The following KIF13A variants were observed in gnomAD, a reference collection of about 807,000 sequenced individuals.
The protein encoded by KIF13A is kinesin family member 13A.
A neutral mutation model predicts 212.2 loss-of-function variants in KIF13A; 79 were observed. The observed-to-expected ratio is 0.37, with a 90% CI of 0.31 to 0.45. KIF13A has a LOEUF of 0.45. KIF13A is among the 20% of genes least tolerant of loss of function. The pLI is 1.00. For synonymous variants in KIF13A, 789 were observed against 808.6 expected, an observed-to-expected ratio of 0.98 and a Z score of 0.41; for missense variants, 1,901 against 2,209.0, an observed-to-expected ratio of 0.86 and a Z score of 2.79.
At chr6:17,814,979 C>T (rs371358143) in intron 17 of KIF13A, among the ~76,000 whole-genome samples, 24 of 152,064 alleles carry the variant, frequency 1.6e-4, no homozygotes, top group African/African-American at 5.1e-4. Flanking sequence ...ACGCAGAGAC[C>T]GGTAGTGGCC....
chr6:17,968,168 G>T lies in KIF13A; in HGVS notation c.146+18886C>A, dbSNP rs1020329188. Among the ~76,000 whole-genome samples, 7 of 152,130 alleles carry T rather than the reference G, an allele frequency of 4.6e-5. No homozygotes were observed. Among genetic ancestry groups the T allele is most frequent in the African/African-American group, 1.7e-4 (7 of 41,406 alleles). On this transcript the variant is annotated intron_variant, in intron 2 of 38. Transcript: ENST00000259711. This position sits in a 1 kb window ranked among gnomAD's most constrained non-coding sequence, Gnocchi z 4.7. ...CAGAAGCTGCAGCATCAACCCAATG[G>T]CCAATTAGGAACCAGAGAACGAGAA...
Position 17,837,452 on chromosome 6 carries a change from A to ACCT in KIF13A, c.942+19_942+20insAGG, listed in dbSNP as rs760410464. On this transcript the variant is annotated intron_variant, in intron 10 of 38. Coordinates refer to ENST00000259711, the MANE Select transcript of KIF13A (RefSeq NM_022113.6). This position sits in a 1 kb window ranked among gnomAD's most constrained non-coding sequence, Gnocchi z 5.4. The stretch of plus-strand genomic sequence containing the variant: ...ATAGCCAATTTTTAGTTGGAAAAGA[A>ACCT]CACTAGAGCAATGGATTACCTTAAG... 39 of 1,539,798 alleles carry ACCT rather than the reference A, an allele frequency of 2.5e-5. No homozygotes were observed. The highest frequency in any genetic ancestry group is 3.4e-5 in the Non-Finnish European group (38 of 1,123,126).
chr6:17,791,247 A>T (rs1412926035), intron 25 of KIF13A, among the ~76,000 whole-genome samples: 1 of 152,276 alleles, frequency 6.6e-6, no homozygotes, highest in East Asian at 1.9e-4. Context: ...CTAATTTATC[A>T]TAACTTTTTA....
Position 17,871,302 on chromosome 6 carries a change from G to T in KIF13A, c.220+2075C>A, listed in dbSNP as rs1010300612. Among the ~76,000 whole-genome samples the T allele has an allele frequency of 1.3e-5, 2 of 151,954 alleles. No homozygotes were observed. The highest frequency in any genetic ancestry group is 2.9e-5 in the Non-Finnish European group (2 of 67,990). On this transcript the variant is annotated intron_variant, in intron 4 of 38. Coordinates refer to ENST00000259711, the MANE Select transcript of KIF13A (RefSeq NM_022113.6). The surrounding 1 kb of genome is among the most constrained non-coding windows in gnomAD (Gnocchi z 4.4). Reference sequence around the variant, plus strand: ...CTCTCTGGTGCCTTCCCAGACAATTGGTGCCTTTCCAGATTTTCTCTCTTT... The same window carrying T: ...CTCTCTGGTGCCTTCCCAGACAATTTGTGCCTTTCCAGATTTTCTCTCTTT...
intron 2 of KIF13A, among the ~76,000 whole-genome samples, chr6:17,977,872 T>C (rs2150632120): frequency 6.6e-6 from 1 of 152,314 alleles, no homozygotes; most frequent in African/African-American, 2.4e-5. Flanking sequence ...TTGTTAAGCT[T>C]GGTAGGACAA....
chr6:17,784,264 A>AC (rs58224715), intron 28 of KIF13A, among the ~76,000 whole-genome samples: 2 of 152,122 alleles, frequency 1.3e-5, no homozygotes, highest in African/African-American at 2.4e-5. Flanking sequence ...ATAAAAAAAA[A>AC]CAAAAAAACA....
Position 17,825,813 on chromosome 6 carries a change from C to T in KIF13A, c.1741G>A (p.Glu581Lys), listed in dbSNP as rs756454963. The change falls in exon 16 of 39, where the codon GAA becomes AAA. Residue 581 changes from glutamate to lysine, a missense_variant. By Grantham distance (56) the Glu-to-Lys change is moderately conservative. Around this residue, in one of 5 missense-constraint regions of KIF13A, gnomAD observed 534 missense variants for 536.9 expected, o/e 0.99. Coordinates refer to ENST00000259711, the MANE Select transcript of KIF13A (RefSeq NM_022113.6). This position sits in a 1 kb window ranked among gnomAD's most constrained non-coding sequence, Gnocchi z 4.5. ...ATGATAACTTCCATCTGTGCAAATTCATAGTTATAGTCTGGTTCAGAGGAA... is the reference window on the plus strand; with the variant it reads ...ATGATAACTTCCATCTGTGCAAATTTATAGTTATAGTCTGGTTCAGAGGAA... ...EASSEPDYNY[E>K]FAQMEVIMKT... 1.9e-6 allele frequency: 3 copies of T among 1,613,982 alleles called. No individual in the cohort carries two copies. Among genetic ancestry groups the T allele is most frequent in the Non-Finnish European group, 2.5e-6 (3 of 1,179,886 alleles).
intron 2 of KIF13A, among the ~76,000 whole-genome samples, chr6:17,913,523 A>C (rs558341579): frequency 6.6e-6 from 1 of 152,186 alleles, no homozygotes; most frequent in Non-Finnish European, 1.5e-5. Flanking sequence ...CACCCCTGCT[A>C]TTCCAGCAGG....
At chr6:17,814,650 GTTGA>G (rs995388943) in intron 17 of KIF13A, among the ~76,000 whole-genome samples, 10 of 152,164 alleles carry the variant, frequency 6.6e-5, no homozygotes, top group Admixed American at 1.3e-4. Flanking sequence ...TTCCTAGATG[GTTGA>G]TTAAGGCAGG....
chr6:17,798,211 T>A (rs979489751), intron 22 of KIF13A, among the ~76,000 whole-genome samples: 9 of 151,938 alleles, frequency 5.9e-5, no homozygotes, highest in African/African-American at 2.2e-4. Context: ...AACTCCAAGA[T>A]GAAAAAACTC....
rs1766055766 is a variant in KIF13A at position 17,837,311 on chromosome 6, A to G, written c.942+161T>C. On this transcript the variant is annotated intron_variant, in intron 10 of 38. Coordinates refer to ENST00000259711, the MANE Select transcript of KIF13A (RefSeq NM_022113.6). The surrounding 1 kb of genome is among the most constrained non-coding windows in gnomAD (Gnocchi z 5.4). ...TCAAACAGCATTCAAATGGAATAAA[A>G]AGGAGTAGAAAATAGTTTTCATTCT... Among the ~76,000 whole-genome samples, 1 of 152,228 alleles carries G rather than the reference A, an allele frequency of 6.6e-6. No individual in the cohort carries two copies. Among genetic ancestry groups the G allele is most frequent in the African/African-American group, 2.4e-5 (1 of 41,460 alleles).
chr6:17,902,397 C>G lies in KIF13A; in HGVS notation c.147-4217G>C, dbSNP rs892225126. ...ACAATTTGACATTTTAGAAGACATT[C>G]TAGGTTCCAGGATTTGGAGAGAAAA... On this transcript the variant is annotated intron_variant, in intron 2 of 38. Transcript: ENST00000259711. Among the ~76,000 whole-genome samples the G allele has an allele frequency of 2.6e-5, 4 of 152,148 alleles. No homozygotes were observed. The South Asian group carries it at 8.3e-4, about 32-fold the overall frequency.
rs111387037 is a variant in KIF13A at position 17,821,552 on chromosome 6, GGT to G, written c.1786+4214_1786+4215del. Among the ~76,000 whole-genome samples, 194 of 111,946 alleles carry G rather than the reference GGT, an allele frequency of 1.7e-3. 2 individuals carry two copies. The Middle Eastern group carries it at 0.018, about 10-fold the overall frequency. 73.4% of individuals were successfully genotyped at this position (111,946 alleles called of 152,430 possible). On this transcript the variant is annotated intron_variant, in intron 16 of 38. Coordinates refer to ENST00000259711, the MANE Select transcript of KIF13A (RefSeq NM_022113.6). ...TGGGAGGCAAATGGAATTGGGACATGGTGTGTGTGTGTGTGTGTGTGTGTGTG... is the reference window on the plus strand; with the variant it reads ...TGGGAGGCAAATGGAATTGGGACATGGTGTGTGTGTGTGTGTGTGTGTGTG...
rs1319126853 is a variant in KIF13A, at chr6:17,915,899, C to T, written c.147-17719G>A. 6.6e-6 allele frequency among the ~76,000 whole-genome samples: 1 copy of T among 150,998 alleles called. No homozygotes were observed. Among genetic ancestry groups the T allele is most frequent in the African/African-American group, 2.4e-5 (1 of 40,970 alleles). On this transcript the variant is annotated intron_variant, in intron 2 of 38. Coordinates refer to ENST00000259711, the MANE Select transcript of KIF13A (RefSeq NM_022113.6). This position sits in a 1 kb window ranked among gnomAD's most constrained non-coding sequence, Gnocchi z 4.4. ...ATCATTGCAGTAAGCCAAGATGGCACCACTGCACTCAAGCCTGGGTGACAG... is the reference window on the plus strand; with the variant it reads ...ATCATTGCAGTAAGCCAAGATGGCATCACTGCACTCAAGCCTGGGTGACAG...
At chr6:17,791,191 T>A (rs1285338031) in intron 25 of KIF13A, among the ~76,000 whole-genome samples, 1 of 152,038 alleles carries the variant, frequency 6.6e-6, no homozygotes, top group African/African-American at 2.4e-5. Flanking sequence ...CTGAAGTAAT[T>A]TATCTTGAAC....
Position 17,849,336 on chromosome 6 carries a change from G to T in KIF13A, c.830+41C>A. ...CTCATAATGCAACAAATCCCCTCCA[G>T]AAGGAAATCACCCAGGCTGTTCTGG... is the stretch of plus-strand genomic sequence containing the variant. On this transcript the variant is annotated intron_variant, in intron 9 of 38. Transcript: ENST00000259711. The surrounding 1 kb of genome is among the most constrained non-coding windows in gnomAD (Gnocchi z 5.7). 7.0e-7 allele frequency: 1 copy of T among 1,428,306 alleles called. No individual in the cohort carries two copies. Among genetic ancestry groups the T allele is most frequent in the Non-Finnish European group, 9.8e-7 (1 of 1,022,456 alleles). The allele number at this position is 1,428,306 out of a possible 1,614,324, so 88.5% of individuals were successfully genotyped here.
intron 16 of KIF13A, among the ~76,000 whole-genome samples, chr6:17,824,768 AAAAAAAAAAAAAC>A (rs1364310177): frequency 6.8e-6 from 1 of 146,592 alleles, no homozygotes; most frequent in African/African-American, 2.6e-5. Flanking sequence ...CTCAAAAAAA[AAAAAAAAAAAAAC>A]AAAACACCAA....
rs1770056260 is a variant in KIF13A at position 17,872,006 on chromosome 6, A to G, written c.220+1371T>C. ...TTCCAGACTCTGAAGAACTTATTAC[A>G]TAAAGTCCCAAAGGACTGATAAAAA... On this transcript the variant is annotated intron_variant, in intron 4 of 38. Transcript: ENST00000259711. This position sits in a 1 kb window ranked among gnomAD's most constrained non-coding sequence, Gnocchi z 4.7. Among the ~76,000 whole-genome samples, 2 of 152,230 alleles carry G rather than the reference A, an allele frequency of 1.3e-5. No individual in the cohort carries two copies.
At chr6:17,767,893 A>G (rs1416561317) in intron 38 of KIF13A, among the ~76,000 whole-genome samples, 1 of 152,214 alleles carries the variant, frequency 6.6e-6, no homozygotes, top group Non-Finnish European at 1.5e-5. Flanking sequence ...TTCCTCAAGG[A>G]TTAGAATGAC....
Sources: gnomAD v4.1 joint callset for allele counts (sites outside exome capture counted in the v4.1 genomes callset) on GRCh38, gnomAD v4.1.1 for gene constraint, gnomAD v4.1.1 regional missense constraint, Gnocchi (gnomAD v3.1) non-coding constraint, MANE v1.5 for transcripts, NCBI Gene and HGNC (gene_info 2026-07-23, HGNC 2026-07-21) for gene names.